The following RCOR1 variants were observed in gnomAD, a reference collection of about 807,000 sequenced individuals.
The protein encoded by RCOR1 is REST corepressor.
A neutral mutation model predicts 64.0 loss-of-function variants in RCOR1; 12 were observed. The ratio of observed to expected loss-of-function variants is 0.19; its 90% CI spans 0.12 to 0.30. The LOEUF (loss-of-function observed/expected upper bound fraction) is 0.30. RCOR1 is among the 10% of genes least tolerant of loss of function. The pLI is 1.00. For synonymous variants in RCOR1, 279 were observed against 227.2 expected, an observed-to-expected ratio of 1.23 and a Z score of -2.05; for missense variants, 502 against 621.2, an observed-to-expected ratio of 0.81 and a Z score of 2.04.
At chr14:102,660,740 T>C (rs1894810972) in intron 2 of RCOR1, among the ~76,000 whole-genome samples, 1 of 152,220 alleles carries the variant, frequency 6.6e-6, no homozygotes, top group African/African-American at 2.4e-5. Context: ...TAATGAGAAA[T>C]TGACAGCATC....
intron 2 of RCOR1, among the ~76,000 whole-genome samples, chr14:102,638,379 T>C (rs1894289717): frequency 1.3e-5 from 2 of 152,194 alleles, no homozygotes; most frequent in Non-Finnish European, 2.9e-5. Flanking sequence ...TTCTTTTCTT[T>C]CTTTTCTTTT....
At position 102,593,012 on chromosome 14, in the gene RCOR1, C is replaced by T; in HGVS notation, c.126C>T (p.Ala42=). The T allele has an allele frequency of 1.7e-6, 2 of 1,209,194 alleles. No individual in the cohort carries two copies. Among genetic ancestry groups the T allele is most frequent in the Non-Finnish European group, 2.1e-6 (2 of 969,998 alleles). 74.9% of individuals were successfully genotyped at this position (1,209,194 alleles called of 1,614,324 possible). A position where few individuals can be genotyped will look rare whatever the true frequency, so the allele number is the denominator to read the frequency against. The change falls in exon 1 of 12, where the codon GCC becomes GCT. Residue 42 remains alanine (A), a synonymous_variant. Coordinates refer to ENST00000262241, the MANE Select transcript of RCOR1 (RefSeq NM_015156.4). ...CCTCGGCCGCCTGCGCCTCGCCAGC[C>T]GCCACTGCCGCCTCGGGCGCCGCCG... ...AAASAACASP[A]ATAASGAAAS...
Position 102,592,904 on chromosome 14 carries a change from G to C in RCOR1, c.18G>C (p.Glu6Asp). The C allele has an allele frequency of 8.1e-7, 1 of 1,237,264 alleles. No individual in the cohort carries two copies. The highest frequency in any genetic ancestry group is 1.0e-6 in the Non-Finnish European group (1 of 984,970). 76.6% of individuals were successfully genotyped at this position (1,237,264 alleles called of 1,614,324 possible). A position where few individuals can be genotyped will look rare whatever the true frequency, so the allele number is the denominator to read the frequency against. ...CCCCGCCGATGCCGGCCATGGTGGA[G>C]AAGGGCCCCGAGGTCTCAGGGAAGC... MPAMV[E>D]KGPEVSGKRR... Residue 6 changes from glutamate to aspartate, a missense_variant, in exon 1 of 12, where the codon GAG (glutamate) becomes GAC (aspartate). Transcript: ENST00000262241.
chr14:102,697,328 A>G (rs1895670169), intron 3 of RCOR1, among the ~76,000 whole-genome samples: 1 of 152,236 alleles, frequency 6.6e-6, no homozygotes, highest in Non-Finnish European at 1.5e-5. Context: ...GCACTGCTAG[A>G]CAAACTCATT....
At chr14:102,596,590 A>C (rs2139874448) in intron 2 of RCOR1, among the ~76,000 whole-genome samples, 1 of 151,638 alleles carries the variant, frequency 6.6e-6, no homozygotes, top group South Asian at 2.1e-4. Context: ...TTTGAGACCA[A>C]GTCTCACTCT....
chr14:102,695,588 C>T (rs887913243), intron 3 of RCOR1: 8 of 152,492 alleles, frequency 5.2e-5, no homozygotes, highest in African/African-American at 1.9e-4. Context: ...CTCTGTTGCC[C>T]AGGCTAGAGT....
intron 2 of RCOR1, among the ~76,000 whole-genome samples, chr14:102,595,006 G>C (rs1357523571): frequency 6.6e-6 from 1 of 152,148 alleles, no homozygotes; most frequent in Non-Finnish European, 1.5e-5. Context: ...CTAAGGAAAA[G>C]GGCATATTTG....
intron 8 of RCOR1, among the ~76,000 whole-genome samples, chr14:102,717,546 A>G (rs973776630): frequency 6.6e-6 from 1 of 152,100 alleles, no homozygotes; most frequent in African/African-American, 2.4e-5. Context: ...CTCACAGAAT[A>G]TGTCTGGGCT....
Position 102,627,575 on chromosome 14 carries a change from T to G in RCOR1, c.361+34250T>G, listed in dbSNP as rs527825172. On this transcript the variant is annotated intron_variant, in intron 2 of 11. Coordinates refer to ENST00000262241, the MANE Select transcript of RCOR1 (RefSeq NM_015156.4). ...AGGAGACTGAGGCAGGAGAATCGCT[T>G]GAACCCGGGAGGCAGAGGTTGCAGT... is the stretch of plus-strand genomic sequence containing the variant. Among the ~76,000 whole-genome samples the G allele has an allele frequency of 1.8e-4, 28 of 151,900 alleles. 1 individual carries two copies. The highest frequency in any genetic ancestry group is 1.5e-3 in the Admixed American group (23 of 15,252).
chr14:102,680,596 A>C (rs1451008621), intron 2 of RCOR1, among the ~76,000 whole-genome samples: 1 of 152,212 alleles, frequency 6.6e-6, no homozygotes, highest in Non-Finnish European at 1.5e-5. Context: ...TCATGAGGTC[A>C]GGAGTTCGAG....
At chr14:102,619,949 T>G (rs1197368375) in intron 2 of RCOR1, among the ~76,000 whole-genome samples, 1 of 152,200 alleles carries the variant, frequency 6.6e-6, no homozygotes, top group Non-Finnish European at 1.5e-5. Flanking sequence ...GCGTATATCT[T>G]TTTGTATACC....
At position 102,730,090 on chromosome 14, in the gene RCOR1, A is replaced by C; in HGVS notation, c.*3584A>C. On this transcript the variant is annotated 3_prime_UTR_variant, in exon 12 of 12. Coordinates refer to ENST00000262241, the MANE Select transcript of RCOR1 (RefSeq NM_015156.4). ...GCATTCAGAAGAAGGGAAGGTCAGCAGAGGCTATGCATGTTGTGTGATGAT... is the reference window on the plus strand; with the variant it reads ...GCATTCAGAAGAAGGGAAGGTCAGCCGAGGCTATGCATGTTGTGTGATGAT... 1 of 398,934 alleles carries C rather than the reference A, an allele frequency of 2.5e-6. No homozygotes were observed. Among genetic ancestry groups the C allele is most frequent in the Non-Finnish European group, 4.4e-6 (1 of 226,062 alleles). 24.7% of individuals were successfully genotyped at this position (398,934 alleles called of 1,614,324 possible). A position where few individuals can be genotyped will look rare whatever the true frequency, so the allele number is the denominator to read the frequency against.
At chr14:102,689,056 C>T (rs1252243717) in intron 3 of RCOR1, among the ~76,000 whole-genome samples, 1 of 152,182 alleles carries the variant, frequency 6.6e-6, no homozygotes, top group African/African-American at 2.4e-5. Context: ...TGTCACTGTG[C>T]TTACGTGTAG....
At chr14:102,670,655 C>T (rs529687712) in intron 2 of RCOR1, among the ~76,000 whole-genome samples, 1 of 151,746 alleles carries the variant, frequency 6.6e-6, no homozygotes, top group African/African-American at 2.4e-5. Flanking sequence ...AAAATTAAAA[C>T]ATTTCAAGTA....
At position 102,727,280 on chromosome 14, in the gene RCOR1, G is replaced by GCC. The variant is rs1282114140; in HGVS notation, c.*774_*775insCC. The GCC allele has an allele frequency of 7.5e-6, 1 of 132,676 alleles. No homozygotes were observed. Among genetic ancestry groups the GCC allele is most frequent in the African/African-American group, 3.1e-5 (1 of 32,602 alleles). 8.2% of individuals were successfully genotyped at this position (132,676 alleles called of 1,614,324 possible). On this transcript the variant is annotated 3_prime_UTR_variant, in exon 12 of 12. Transcript: ENST00000262241. ...GGTGGTTGCCACCCCATCTTTTCCT[G>GCC]ACCCCCCCCACCCCCCCACCTCCAA... is the stretch of plus-strand genomic sequence containing the variant.
At chr14:102,685,006 T>G (rs1466467410) in intron 3 of RCOR1, among the ~76,000 whole-genome samples, 1 of 152,146 alleles carries the variant, frequency 6.6e-6, no homozygotes, top group Non-Finnish European at 1.5e-5. Flanking sequence ...TTAGGACATA[T>G]TTCTAGCAGA....
At chr14:102,661,002 G>A (rs1284289737) in intron 2 of RCOR1, among the ~76,000 whole-genome samples, 1 of 152,200 alleles carries the variant, frequency 6.6e-6, no homozygotes, top group Non-Finnish European at 1.5e-5. Context: ...AAGAGAGAAT[G>A]TGGGGGTAGA....
chr14:102,669,742 G>A (rs1894993586), intron 2 of RCOR1, among the ~76,000 whole-genome samples: 1 of 152,140 alleles, frequency 6.6e-6, no homozygotes, highest in African/African-American at 2.4e-5. Context: ...CACATAGTAA[G>A]CATTTATAAC....
At chr14:102,704,179 A>T (rs544397073) in intron 4 of RCOR1, among the ~76,000 whole-genome samples, 1 of 152,314 alleles carries the variant, frequency 6.6e-6, no homozygotes, top group East Asian at 1.9e-4. Context: ...AGAAGCAAAG[A>T]GGGCCTGCTT....
Sources: allele counts gnomAD v4.1 joint callset (sites outside exome capture counted in the v4.1 genomes callset), GRCh38; gene constraint gnomAD v4.1.1; transcripts MANE v1.5; gene names NCBI Gene and HGNC (gene_info 2026-07-23, HGNC 2026-07-21).